ULK4: variants seen among roughly 807,000 people sequenced by gnomAD.
The protein encoded by ULK4 is unc-51 like kinase 4, also known as inactive serine/threonine-protein kinase ULK4.
A neutral mutation model predicts 160.6 loss-of-function variants in ULK4; 133 were observed. That is an observed-to-expected ratio of 0.83 (90% CI 0.72 to 0.96). The LOEUF is 0.96. Among genes scored for constraint, ULK4 ranks in the 40% least tolerant of loss-of-function variants. The pLI, the probability that ULK4 is intolerant of heterozygous loss-of-function variation, is 0.00. For synonymous variants in ULK4, 534 were observed against 539.8 expected (o/e 0.99, Z 0.15); for missense variants, 1,580 against 1,499.5 (o/e 1.05, Z -0.89).
chr3:41,775,238 AAAG>A (rs1241606021), intron 21 of ULK4, among the ~76,000 whole-genome samples: 1 of 150,612 alleles, frequency 6.6e-6, no homozygotes, highest in Non-Finnish European at 1.5e-5. Flanking sequence ...AATAAAAATA[AAAG>A]AAATATAAAG....
intron 34 of ULK4, among the ~76,000 whole-genome samples, chr3:41,454,266 G>A (rs1173428256): frequency 4.0e-5 from 6 of 150,124 alleles, no homozygotes; most frequent in South Asian, 2.1e-4. Context: ...TAGGCCAGGC[G>A]TGGTGGCTCA....
chr3:41,453,103 A>C (rs1028815418), intron 34 of ULK4, among the ~76,000 whole-genome samples: 2 of 152,196 alleles, frequency 1.3e-5, no homozygotes, highest in Non-Finnish European at 2.9e-5. Flanking sequence ...GTAAGATCAA[A>C]GGTAAAGCAC....
At chr3:41,457,899 C>T (rs1448674437) in intron 33 of ULK4, among the ~76,000 whole-genome samples, 1 of 152,176 alleles carries the variant, frequency 6.6e-6, no homozygotes, top group Admixed American at 6.5e-5. Flanking sequence ...ATAGAGGATG[C>T]TAGCCTGGGC....
chr3:41,475,419 T>A (rs1375052181), intron 32 of ULK4, among the ~76,000 whole-genome samples: 1 of 152,164 alleles, frequency 6.6e-6, no homozygotes, highest in Non-Finnish European at 1.5e-5. Context: ...CTTTGACATA[T>A]AATGCACAGC....
intron 25 of ULK4, among the ~76,000 whole-genome samples, chr3:41,708,045 C>T (rs186197951): frequency 1.4e-4 from 22 of 151,946 alleles, no homozygotes; most frequent in Middle Eastern, 3.4e-3. Flanking sequence ...GAAAAGGGAA[C>T]TCTTGCACAC....
chr3:41,568,736 G>A (rs573820429), intron 31 of ULK4, among the ~76,000 whole-genome samples: 33 of 152,218 alleles, frequency 2.2e-4, no homozygotes, highest in African/African-American at 7.2e-4. Context: ...CCCCACACAC[G>A]AAGCAAGCAA....
At chr3:41,918,866 G>A (rs980552502) in intron 6 of ULK4, among the ~76,000 whole-genome samples, 13 of 152,100 alleles carry the variant, frequency 8.5e-5, no homozygotes, top group Admixed American at 1.3e-4. Flanking sequence ...CTCCCAAAGT[G>A]CTGGGATTAC....
At chr3:41,649,307 C>T (rs1486075299) in intron 30 of ULK4, among the ~76,000 whole-genome samples, 1 of 152,142 alleles carries the variant, frequency 6.6e-6, no homozygotes, top group South Asian at 2.1e-4. Flanking sequence ...AGGATGCACA[C>T]TCTGTGGGGC....
At chr3:41,258,961 T>C (rs576265482) in intron 35 of ULK4, among the ~76,000 whole-genome samples, 11 of 150,318 alleles carry the variant, frequency 7.3e-5, no homozygotes, top group South Asian at 6.3e-4. Context: ...TATATATATA[T>C]ACATATATGT....
intron 1 of ULK4, among the ~76,000 whole-genome samples, chr3:41,961,556 C>CCT (rs1413040319): frequency 5.0e-4 from 4 of 8,072 alleles, no homozygotes; most frequent in East Asian, 0.013. Context: ...ACTCACCCCC[C>CCT]CCCCCCCCCC....
chr3:41,911,748 T>A (rs1698794063), intron 9 of ULK4, 89 bp from the exon 10 acceptor site: 2 of 954,406 alleles, frequency 2.1e-6, no homozygotes, highest in Non-Finnish European at 3.2e-6. Flanking sequence ...AGAAGATAAT[T>A]AAATTACACA....
chr3:41,828,603 T>A (rs2041456173), intron 18 of ULK4, among the ~76,000 whole-genome samples: 1 of 143,728 alleles, frequency 7.0e-6, no homozygotes, highest in African/African-American at 2.8e-5. Context: ...GTCAAGGACC[T>A]CTTCAAGGAG....
At chr3:41,304,549 A>C (rs1189951456) in intron 35 of ULK4, among the ~76,000 whole-genome samples, 1 of 152,138 alleles carries the variant, frequency 6.6e-6, no homozygotes, top group Non-Finnish European at 1.5e-5. Flanking sequence ...GATCAACCCT[A>C]GTTGATTTAG....
intron 35 of ULK4, among the ~76,000 whole-genome samples, chr3:41,282,167 G>C (rs1430606891): frequency 6.6e-6 from 1 of 152,124 alleles, no homozygotes; most frequent in Non-Finnish European, 1.5e-5. Context: ...CAAACAAATG[G>C]ACTAACATTC....
chr3:41,804,654 T>G (rs1396432905), intron 19 of ULK4, among the ~76,000 whole-genome samples: 1 of 152,004 alleles, frequency 6.6e-6, no homozygotes, highest in East Asian at 1.9e-4. Flanking sequence ...TGAATTAATT[T>G]TTGTGTAAGG....
chr3:41,265,763 T>G (rs1445265317), intron 35 of ULK4, among the ~76,000 whole-genome samples: 1 of 152,148 alleles, frequency 6.6e-6, no homozygotes, highest in Non-Finnish European at 1.5e-5. Context: ...TTGAGGACGT[T>G]TTTTGCGAAG....
chr3:41,278,073 A>T (rs2079262307), intron 35 of ULK4: 1 of 152,352 alleles, frequency 6.6e-6, no homozygotes. Context: ...CCTGAAAAAA[A>T]CGGGACACTC....
At chr3:41,319,881 C>T (rs1306812280) in intron 35 of ULK4, among the ~76,000 whole-genome samples, 1 of 152,160 alleles carries the variant, frequency 6.6e-6, no homozygotes, top group Non-Finnish European at 1.5e-5. Context: ...CCCAAGCCTT[C>T]TATTGGGTTA....
intron 31 of ULK4, among the ~76,000 whole-genome samples, chr3:41,602,617 A>C (rs1287988843): frequency 5.1e-4 from 77 of 152,134 alleles, no homozygotes; most frequent in Admixed American, 5.0e-3. Context: ...ACTATACTAA[A>C]ATAAAGTTAT....
Sources: gnomAD v4.1 joint callset for allele counts (sites outside exome capture counted in the v4.1 genomes callset) on GRCh38, gnomAD v4.1.1 for gene constraint, MANE v1.5 for transcripts, NCBI Gene and HGNC (gene_info 2026-07-23, HGNC 2026-07-21) for gene names.